The following DMXL2 variants were observed in gnomAD, a reference collection of about 807,000 sequenced individuals.
DMXL2 encodes Dmx like 2, also known as dmX-like protein 2.
DMXL2 carries 103 observed loss-of-function variants against 331.1 expected under a neutral mutation model. The observed-to-expected ratio is 0.31, with a 90% CI of 0.27 to 0.37. The LOEUF (loss-of-function observed/expected upper bound fraction) is 0.37. Among genes scored for constraint, DMXL2 ranks in the 10% least tolerant of loss-of-function variants. The pLI is 1.00. For synonymous variants in DMXL2, 1,281 were observed against 1,252.1 expected, an observed-to-expected ratio of 1.02 and a Z score of -0.49; for missense variants, 3,171 against 3,642.9, an observed-to-expected ratio of 0.87 and a Z score of 3.33.
At chr15:51,466,135 C>G in intron 30 of DMXL2, 49 bp downstream of exon 30, 1 of 1,293,232 alleles carries the variant, frequency 7.7e-7, no homozygotes, top group Admixed American at 3.3e-5. Flanking sequence ...ATATTTTCTA[C>G]AAAAAGAAAA....
intron 14 of DMXL2, among the ~76,000 whole-genome samples, chr15:51,516,754 T>C (rs1045561047): frequency 3.3e-5 from 5 of 152,252 alleles, no homozygotes; most frequent in African/African-American, 1.2e-4. Flanking sequence ...GTGTACACTG[T>C]ACCTAACATG....
intron 3 of DMXL2, 85 bp downstream of exon 3, chr15:51,568,402 G>T: frequency 2.3e-6 from 2 of 856,154 alleles, no homozygotes; most frequent in Non-Finnish European, 3.5e-6. Flanking sequence ...TTCAGCACTA[G>T]CTCCTAAGGA....
At chr15:51,620,635 T>C (rs2054566911) in intron 1 of DMXL2, among the ~76,000 whole-genome samples, 1 of 152,204 alleles carries the variant, frequency 6.6e-6, no homozygotes, top group Non-Finnish European at 1.5e-5. Context: ...GAAGAAGTTA[T>C]CGGACATGAC....
intron 12 of DMXL2, 113 bp downstream of exon 12, chr15:51,536,053 G>A (rs2140876750): frequency 2.6e-5 from 27 of 1,043,540 alleles, no homozygotes; most frequent in Non-Finnish European, 3.6e-5. Context: ...TCACCTTAAT[G>A]AAAACTGAAT....
chr15:51,456,493 T>C, intron 37 of DMXL2, 124 bp from the exon 38 acceptor site: 1 of 653,178 alleles, frequency 1.5e-6, no homozygotes, highest in South Asian at 2.1e-5. Context: ...TAAAGCCTGT[T>C]ATGGATGTTC....
Position 51,565,225 on chromosome 15 carries a change from T to C in DMXL2, c.286-59A>G. ...AGAAAAAGATGTTTTTCAAATAATATCCCAAAACACTACCATTTTATCATT... is the reference window on the plus strand; with the variant it reads ...AGAAAAAGATGTTTTTCAAATAATACCCCAAAACACTACCATTTTATCATT... On this transcript the variant is annotated intron_variant, in intron 3 of 43. Coordinates refer to ENST00000560891, the MANE Select transcript of DMXL2 (RefSeq NM_001378457.1). The C allele has an allele frequency of 2.8e-6, 3 of 1,072,694 alleles. No individual in the cohort carries two copies. The South Asian group carries it at 4.7e-5, about 17-fold the overall frequency. The allele number at this position is 1,072,694 out of a possible 1,614,324, so 66.4% of individuals were successfully genotyped here. A position where few individuals can be genotyped will look rare whatever the true frequency, so the allele number is the denominator to read the frequency against.
rs779357475 is a variant in DMXL2 at position 51,481,601 on chromosome 15, C to T, written c.5505G>A (p.Pro1835=). ...GGTAGTTATAAAAACTAAATGCCAC[C>T]GGGTTACAAGACTTGATGATAACTA... is the stretch of plus-strand genomic sequence containing the variant. The part of the protein sequence containing the change: ...EHQVIIKSCN[P]VAFSFYNYLR... The change falls in exon 24 of 44, where the codon CCG becomes CCA. Residue 1835 remains proline, a synonymous_variant. Coordinates refer to ENST00000560891, the MANE Select transcript of DMXL2 (RefSeq NM_001378457.1). The T allele has an allele frequency of 2.6e-5, 40 of 1,561,786 alleles. No homozygotes were observed. Among genetic ancestry groups the T allele is most frequent in the East Asian group, 6.7e-5 (3 of 44,472 alleles).
chr15:51,620,039 T>G (rs1161311580), intron 1 of DMXL2, among the ~76,000 whole-genome samples: 1 of 152,150 alleles, frequency 6.6e-6, no homozygotes, highest in African/African-American at 2.4e-5. Context: ...TGCTTTTTAT[T>G]TTTACTATTA....
chr15:51,547,537 CTT>C (rs1023453676), intron 6 of DMXL2, 129 bp from the exon 7 acceptor site: 6 of 527,396 alleles, frequency 1.1e-5, no homozygotes, highest in South Asian at 4.7e-5. Flanking sequence ...TAATACAAAA[CTT>C]ATCTCAAAAT....
intron 39 of DMXL2, among the ~76,000 whole-genome samples, 168 bp from the exon 40 acceptor site, chr15:51,455,396 C>CTT (rs1307936402): frequency 6.6e-6 from 1 of 151,540 alleles, no homozygotes; most frequent in African/African-American, 2.4e-5. Context: ...TTCCCTGTCA[C>CTT]TTTTTTTTTA....
chr15:51,514,493 T>G lies in DMXL2; in HGVS notation c.2593A>C (p.Lys865Gln), dbSNP rs992900277. The part of the protein sequence containing the change: ...EDFIIGYKPH[K>Q]EDMEKKETEI... ...GTTTCCTTTTTCTCCATATCTTCCTTATGTGGTTTATATCCTATAATGAAG... is the reference window on the plus strand; with the variant it reads ...GTTTCCTTTTTCTCCATATCTTCCTGATGTGGTTTATATCCTATAATGAAG... The change falls in exon 15 of 44, where the codon AAG (lysine) becomes CAG (glutamine). Residue 865 changes from lysine to glutamine, a missense_variant. Lys to Gln is a moderately conservative substitution (Grantham distance 53, BLOSUM62 1). Transcript: ENST00000560891. 5.0e-6 allele frequency: 8 copies of G among 1,599,050 alleles called. No individual in the cohort carries two copies. The highest frequency in any genetic ancestry group is 6.8e-6 in the Non-Finnish European group (8 of 1,172,608).
At chr15:51,609,489 T>C (rs2053811891) in intron 1 of DMXL2, among the ~76,000 whole-genome samples, 1 of 152,242 alleles carries the variant, frequency 6.6e-6, no homozygotes, top group Non-Finnish European at 1.5e-5. Context: ...TCACTGTACC[T>C]TTTCTACATT....
Position 51,536,612 on chromosome 15 carries a change from T to G in DMXL2, c.1868A>C (p.Gln623Pro). Residue 623 changes from glutamine (Q) to proline (P), a missense_variant, in exon 12 of 44, where the codon CAG becomes CCG. Physicochemically the swap from Gln to Pro is moderately conservative, Grantham distance 76. This residue lies in a region of DMXL2 where 1,674 missense variants were observed against 1,780.2 expected (regional missense o/e 0.94). Transcript: ENST00000560891. ...CTTATCAGCAAAAGTGACTGCCCACTGATTTAAAGAACCATCTATGTGTTT... is the reference window on the plus strand; with the variant it reads ...CTTATCAGCAAAAGTGACTGCCCACGGATTTAAAGAACCATCTATGTGTTT... ...ISKHIDGSLN[Q>P]WAVTFADKSA... is the part of the protein sequence containing the mutation. 1 of 1,614,104 alleles carries G rather than the reference T, an allele frequency of 6.2e-7. No individual in the cohort carries two copies. Among genetic ancestry groups the G allele is most frequent in the Non-Finnish European group, 8.5e-7 (1 of 1,179,982 alleles).
At chr15:51,567,531 T>C (rs556279056) in intron 3 of DMXL2, 11 of 152,238 alleles carry the variant, frequency 7.2e-5, no homozygotes, top group African/African-American at 2.6e-4. Flanking sequence ...TGACAAGGTA[T>C]TAGTGAGCAA....
chr15:51,487,302 G>T (rs2042464403), intron 22 of DMXL2, among the ~76,000 whole-genome samples: 1 of 152,090 alleles, frequency 6.6e-6, no homozygotes, highest in Non-Finnish European at 1.5e-5. Flanking sequence ...TAATGTATCT[G>T]CCTTTCTGCA....
At chr15:51,498,413 T>C (rs2043341780) in intron 18 of DMXL2, 139 bp downstream of exon 18, 3 of 762,392 alleles carry the variant, frequency 3.9e-6, no homozygotes, top group East Asian at 2.7e-5. Flanking sequence ...TATTATATAA[T>C]AGTAATTACC....
chr15:51,524,379 G>A (rs1425832114), intron 13 of DMXL2, among the ~76,000 whole-genome samples: 1 of 152,214 alleles, frequency 6.6e-6, no homozygotes, highest in African/African-American at 2.4e-5. Context: ...TCCCCCAATC[G>A]TCCCCCAAGC....
intron 37 of DMXL2, 134 bp from the exon 38 acceptor site, chr15:51,456,503 C>G (rs952128415): frequency 3.4e-5 from 21 of 617,732 alleles, no homozygotes; most frequent in Non-Finnish European, 4.5e-5. Flanking sequence ...TATGGATGTT[C>G]TGAACCACTA....
At chr15:51,509,279 T>C (rs2046607189) in intron 15 of DMXL2, among the ~76,000 whole-genome samples, 1 of 151,494 alleles carries the variant, frequency 6.6e-6, no homozygotes, top group Non-Finnish European at 1.5e-5. Context: ...AGCTGGTTTT[T>C]TGAAAAGATT....
Sources: gnomAD v4.1 joint callset for allele counts (sites outside exome capture counted in the v4.1 genomes callset) on GRCh38, gnomAD v4.1.1 for gene constraint, gnomAD v4.1.1 regional missense constraint, MANE v1.5 for transcripts, NCBI Gene and HGNC (gene_info 2026-07-23, HGNC 2026-07-21) for gene names.